Variants in CSTPP1 observed in about 807,000 individuals in gnomAD.
CSTPP1 encodes the protein UPF0705 protein C11orf49.
At chr11:47,070,240 A>G in the CSTPP1 span, among the ~76,000 whole-genome samples, 1 of 152,100 alleles carries the variant, frequency 6.6e-6, no homozygotes, top group African/African-American at 2.4e-5. Flanking sequence ...CATCTCAAAC[A>G]GGGTGGGTGG....
the CSTPP1 span, among the ~76,000 whole-genome samples, chr11:47,122,783 C>T: frequency 6.6e-6 from 1 of 152,034 alleles, no homozygotes; most frequent in Non-Finnish European, 1.5e-5. Context: ...TTTGCCATGT[C>T]GGCCAGGCTG....
chr11:47,164,225 CCATTA>C, the CSTPP1 span: 1 of 1,613,694 alleles, frequency 6.2e-7, no homozygotes, highest in Non-Finnish European at 8.5e-7. Context: ...CGACGCCCTA[CCATTA>C]CCGGTGGGAG....
At chr11:46,942,351 C>T in the CSTPP1 span, among the ~76,000 whole-genome samples, 1 of 152,166 alleles carries the variant, frequency 6.6e-6, no homozygotes, top group Non-Finnish European at 1.5e-5. Context: ...TTGGGTGTGG[C>T]GAGCTCTCTA....
the CSTPP1 span, among the ~76,000 whole-genome samples, chr11:47,014,686 C>T: frequency 3.6e-5 from 5 of 138,682 alleles, no homozygotes; most frequent in East Asian, 4.3e-4. Context: ...GCCTGGGCAA[C>T]GAGCGAAACT....
At chr11:47,015,602 C>T in the CSTPP1 span, among the ~76,000 whole-genome samples, 1 of 152,092 alleles carries the variant, frequency 6.6e-6, no homozygotes, top group Non-Finnish European at 1.5e-5. Context: ...ACCAGTTCTA[C>T]ACAAATGCTT....
the CSTPP1 span, among the ~76,000 whole-genome samples, chr11:46,984,416 T>C: frequency 6.6e-6 from 1 of 152,206 alleles, no homozygotes; most frequent in Admixed American, 6.5e-5. Flanking sequence ...ATCTGTCACA[T>C]TGTTGTTTAA....
chr11:47,158,001 TC>T, the CSTPP1 span: 2 of 1,275,966 alleles, frequency 1.6e-6, no homozygotes, highest in South Asian at 1.2e-5. Flanking sequence ...GCAACACGGC[TC>T]CAGAGGGGAA....
At chr11:47,082,873 T>C in the CSTPP1 span, among the ~76,000 whole-genome samples, 1 of 152,186 alleles carries the variant, frequency 6.6e-6, no homozygotes, top group Non-Finnish European at 1.5e-5. Flanking sequence ...CAATGTTTTC[T>C]TTTCTTTGTT....
the CSTPP1 span, among the ~76,000 whole-genome samples, chr11:47,097,285 A>G: frequency 9.0e-5 from 9 of 100,216 alleles, no homozygotes; most frequent in East Asian, 1.2e-3. Flanking sequence ...TGGGGGGGTC[A>G]GCCCCCCGCC....
the CSTPP1 span, among the ~76,000 whole-genome samples, chr11:47,148,394 G>A: frequency 6.6e-5 from 10 of 151,664 alleles, no homozygotes; most frequent in African/African-American, 9.7e-5. Context: ...CTTGACTTGC[G>A]GACACCCTTC....
chr11:47,037,166 G>C, the CSTPP1 span, among the ~76,000 whole-genome samples: 1 of 125,474 alleles, frequency 8.0e-6, no homozygotes, highest in Non-Finnish European at 1.9e-5. Flanking sequence ...GCAAAATATG[G>C]GATCATTTGA....
chr11:46,944,389 G>A, the CSTPP1 span, among the ~76,000 whole-genome samples: 1 of 151,970 alleles, frequency 6.6e-6, no homozygotes, highest in Non-Finnish European at 1.5e-5. Flanking sequence ...ACCTGTGTAG[G>A]TGCTCAATAA....
chr11:46,964,526 C>T, the CSTPP1 span, among the ~76,000 whole-genome samples: 3 of 152,148 alleles, frequency 2.0e-5, no homozygotes, highest in Non-Finnish European at 2.9e-5. Context: ...ACCTCGTGAT[C>T]CGCCCGCCTC....
the CSTPP1 span, among the ~76,000 whole-genome samples, chr11:47,147,434 T>C: frequency 6.6e-6 from 1 of 152,278 alleles, no homozygotes; most frequent in South Asian, 2.1e-4. Context: ...AGGCCATACA[T>C]TGGGTTTGGG....
At chr11:47,135,508 C>G in the CSTPP1 span, among the ~76,000 whole-genome samples, 3 of 152,114 alleles carry the variant, frequency 2.0e-5, no homozygotes, top group African/African-American at 7.2e-5. Context: ...CTCTCAATAC[C>G]CACTGTACAA....
chr11:46,937,633 G>T, the CSTPP1 span, among the ~76,000 whole-genome samples: 13 of 152,188 alleles, frequency 8.5e-5, no homozygotes, highest in East Asian at 2.3e-3. Context: ...GCAGTGGCGC[G>T]ATCTTGGCTC....
the CSTPP1 span, among the ~76,000 whole-genome samples, chr11:46,959,987 T>C: frequency 2.6e-5 from 4 of 151,780 alleles, no homozygotes; most frequent in Non-Finnish European, 5.9e-5. Context: ...CTGCCTTAGC[T>C]TCCCGAGTAG....
chr11:46,960,404 C>G, the CSTPP1 span, among the ~76,000 whole-genome samples: 7 of 152,156 alleles, frequency 4.6e-5, no homozygotes, highest in Non-Finnish European at 7.3e-5. Flanking sequence ...TACCAATTAG[C>G]AGCCACTCCC....
the CSTPP1 span, chr11:47,155,792 G>A: frequency 1.7e-4 from 27 of 156,672 alleles, no homozygotes; most frequent in African/African-American, 2.6e-4. Flanking sequence ...CTGATCGTGC[G>A]TTTGGGTGCA....
Sources: allele counts gnomAD v4.1 joint callset (sites outside exome capture counted in the v4.1 genomes callset), GRCh38; gene constraint gnomAD v4.1.1; transcripts MANE v1.5; gene names NCBI Gene and HGNC (gene_info 2026-07-23, HGNC 2026-07-21).